SAMSN1: variants seen among roughly 807,000 people sequenced by gnomAD.
The protein encoded by SAMSN1 is SAM domain-containing protein SAMSN-1.
In SAMSN1, 31 loss-of-function variants were observed where a neutral mutation model predicts 42.0. The ratio of observed to expected loss-of-function variants is 0.74; its 90% CI spans 0.55 to 1.00. The LOEUF (loss-of-function observed/expected upper bound fraction) is 1.00, where lower values mean the gene tolerates loss of function less well. SAMSN1 is among the 50% of genes least tolerant of loss of function. The pLI is 0.00. For synonymous variants in SAMSN1, 178 were observed against 151.9 expected, an observed-to-expected ratio of 1.17 and a Z score of -1.26; for missense variants, 464 against 439.4, an observed-to-expected ratio of 1.06 and a Z score of -0.50.
intron 7 of SAMSN1, 28 bp from the exon 8 acceptor site, chr21:14,486,142 T>C: frequency 6.6e-7 from 1 of 1,522,086 alleles, no homozygotes; most frequent in Non-Finnish European, 9.1e-7. Flanking sequence ...GGGCAGGAGT[T>C]AGGTAAAGCA....
chr21:14,602,039 T>C (rs1251809112), exon 6 of SAMSN1: 3 of 690,056 alleles, frequency 4.3e-6, no homozygotes, highest in Non-Finnish European at 8.1e-6. Context: ...GGAAGTTCCT[T>C]GTAGAGTTTT....
At chr21:14,566,859 C>A (rs767686705) in intron 2 of SAMSN1, among the ~76,000 whole-genome samples, 3 of 151,936 alleles carry the variant, frequency 2.0e-5, no homozygotes, top group Non-Finnish European at 2.9e-5. Context: ...TCTTTTTGAG[C>A]CATGTTAGTG....
At chr21:14,644,948 G>A (rs962081431) in intron 1 of SAMSN1, among the ~76,000 whole-genome samples, 1 of 152,162 alleles carries the variant, frequency 6.6e-6, no homozygotes, top group Admixed American at 6.5e-5. Flanking sequence ...AAAAACTGGA[G>A]AGAAGAGTGG....
chr21:14,510,398 C>T lies in SAMSN1; in HGVS notation c.473G>A (p.Gly158Asp). ...GCCACAGAATGGTCCTGAATAGGGG[C>T]CATCGTCATCCAGTCGAAAGCTGTC... The part of the protein sequence containing the change: ...NRDSFRLDDD[G>D]PYSGPFCGRA... The change falls in exon 5 of 8, where the codon GGC becomes GAC. Residue 158 changes from glycine (G) to aspartate (D), a missense_variant. Transcript: ENST00000400566. 1 of 1,614,128 alleles carries T rather than the reference C, an allele frequency of 6.2e-7. No individual in the cohort carries two copies. The highest frequency in any genetic ancestry group is 8.5e-7 in the Non-Finnish European group (1 of 1,180,004).
chr21:14,509,856 T>G (rs979006920), intron 5 of SAMSN1, among the ~76,000 whole-genome samples: 8 of 152,110 alleles, frequency 5.3e-5, no homozygotes, highest in African/African-American at 1.7e-4. Flanking sequence ...TTCTTAGCAC[T>G]GGGCCAGGCG....
intron 1 of SAMSN1, among the ~76,000 whole-genome samples, chr21:14,648,274 T>C (rs1983759460): frequency 6.6e-6 from 1 of 152,146 alleles, no homozygotes. Context: ...CAATTCAAGA[T>C]GGATTAAAGA....
chr21:14,654,189 C>T (rs150104737), intron 1 of SAMSN1, among the ~76,000 whole-genome samples: 11 of 151,832 alleles, frequency 7.2e-5, no homozygotes, highest in African/African-American at 2.7e-4. Context: ...ACAGTATACA[C>T]TTAGCATATT....
At chr21:14,617,812 A>G (rs1216788127) in intron 2 of SAMSN1, among the ~76,000 whole-genome samples, 4 of 152,240 alleles carry the variant, frequency 2.6e-5, no homozygotes, top group African/African-American at 9.6e-5. Context: ...AAAGAGATTA[A>G]TTCCAGATGG....
chr21:14,586,703 T>C (rs1324977973), upstream of SAMSN1, among the ~76,000 whole-genome samples: 1 of 152,118 alleles, frequency 6.6e-6, no homozygotes, highest in Non-Finnish European at 1.5e-5. Flanking sequence ...TTTATTAATA[T>C]ACTGATCAGG....
intron 3 of SAMSN1, among the ~76,000 whole-genome samples, chr21:14,516,019 G>A (rs569910440): frequency 1.5e-4 from 23 of 152,266 alleles, no homozygotes; most frequent in South Asian, 4.1e-4. Flanking sequence ...ACAAGTGTTG[G>A]CAATGATGCA....
chr21:14,630,597 A>G (rs1349507820), intron 2 of SAMSN1, among the ~76,000 whole-genome samples: 1 of 152,226 alleles, frequency 6.6e-6, no homozygotes, highest in African/African-American at 2.4e-5. Context: ...TGGTGGCAGA[A>G]GAACAGCTGT....
chr21:14,615,407 C>T (rs1466950029), intron 3 of SAMSN1, among the ~76,000 whole-genome samples: 6 of 152,108 alleles, frequency 3.9e-5, no homozygotes, highest in East Asian at 1.9e-4. Flanking sequence ...TACAATTGGC[C>T]TCAGACCAAT....
At chr21:14,538,538 A>G (rs1361171817) in intron 1 of SAMSN1, among the ~76,000 whole-genome samples, 1 of 152,212 alleles carries the variant, frequency 6.6e-6, no homozygotes, top group Non-Finnish European at 1.5e-5. Flanking sequence ...AGTAAGCACC[A>G]GTGCATATAA....
At chr21:14,562,752 C>G (rs1353632980) in intron 2 of SAMSN1, among the ~76,000 whole-genome samples, 1 of 151,998 alleles carries the variant, frequency 6.6e-6, no homozygotes, top group African/African-American at 2.4e-5. Flanking sequence ...CTTGAACTAT[C>G]TACTCCAATG....
chr21:14,494,015 A>G (rs149374353), intron 7 of SAMSN1, among the ~76,000 whole-genome samples: 1 of 152,314 alleles, frequency 6.6e-6, no homozygotes, highest in East Asian at 1.9e-4. Context: ...CCTAGATACC[A>G]TCTCACACCA....
intron 7 of SAMSN1, among the ~76,000 whole-genome samples, chr21:14,590,902 A>C (rs115220805): frequency 2.6e-5 from 4 of 152,202 alleles, no homozygotes; most frequent in African/African-American, 9.6e-5. Flanking sequence ...ATCAATAAAC[A>C]TTTAGAAACT....
upstream of SAMSN1, among the ~76,000 whole-genome samples, chr21:14,547,923 T>C (rs542662827): frequency 1.9e-3 from 294 of 152,206 alleles, no homozygotes; most frequent in African/African-American, 7.0e-3. Flanking sequence ...ACTTTGATTT[T>C]TGAGAATTAT....
chr21:14,651,241 A>G (rs1983830879), intron 1 of SAMSN1, among the ~76,000 whole-genome samples: 1 of 151,836 alleles, frequency 6.6e-6, no homozygotes, highest in Non-Finnish European at 1.5e-5. Flanking sequence ...AAAGAAGACT[A>G]CAGGCCAATA....
chr21:14,618,628 A>T (rs144302366), intron 2 of SAMSN1, among the ~76,000 whole-genome samples: 1 of 151,798 alleles, frequency 6.6e-6, no homozygotes, highest in Admixed American at 6.6e-5. Flanking sequence ...GACTACATAC[A>T]CTTTTATTTT....
Sources: allele counts gnomAD v4.1 joint callset (sites outside exome capture counted in the v4.1 genomes callset), GRCh38; gene constraint gnomAD v4.1.1; transcripts MANE v1.5; gene names NCBI Gene and HGNC (gene_info 2026-07-23, HGNC 2026-07-21).